HIPK2: variants seen among roughly 807,000 people sequenced by gnomAD.
HIPK2 encodes the protein homeodomain-interacting protein kinase 2.
A neutral mutation model predicts 113.7 loss-of-function variants in HIPK2; 27 were observed. The observed-to-expected ratio is 0.24, with a 90% confidence interval of 0.17 to 0.33. The LOEUF is 0.33. HIPK2 is among the 10% of genes least tolerant of loss of function. The pLI is 1.00. For synonymous variants in HIPK2, 631 were observed against 642.2 expected (o/e 0.98, Z 0.26); for missense variants, 1,257 against 1,588.0 (o/e 0.79, Z 3.54).
At position 139,572,897 on chromosome 7, in the gene HIPK2, C is replaced by CGA; in HGVS notation, c.*29_*30insTC. 1.8e-6 allele frequency: 1 copy of CGA among 571,116 alleles called. No homozygotes were observed. Among genetic ancestry groups the CGA allele is most frequent in the Non-Finnish European group, 3.2e-6 (1 of 308,982 alleles). The allele number at this position is 571,116 out of a possible 1,614,324, so 35.4% of individuals were successfully genotyped here. A position where few individuals can be genotyped will look rare whatever the true frequency, so the allele number is the denominator to read the frequency against. ...CCTCCTCCCTCGGGCCATTCTCTCC[C>CGA]TCCCTCCCTCCCTCCCTCCCCTCCA... On this transcript the variant is annotated 3_prime_UTR_variant, in exon 15 of 15. Transcript: ENST00000406875.
intron 6 of HIPK2, among the ~76,000 whole-genome samples, chr7:139,621,352 C>T (rs1011458321): frequency 6.6e-6 from 1 of 152,168 alleles, no homozygotes; most frequent in African/African-American, 2.4e-5. Context: ...CAACTTCAGC[C>T]TTCATTTTCT....
At chr7:139,644,666 T>C (rs893129120) in intron 2 of HIPK2, among the ~76,000 whole-genome samples, 1 of 152,252 alleles carries the variant, frequency 6.6e-6, no homozygotes, top group African/African-American at 2.4e-5. Flanking sequence ...TAGAGCTGTG[T>C]TGGGAAGCCT....
intron 2 of HIPK2, among the ~76,000 whole-genome samples, chr7:139,637,654 T>C (rs1324842915): frequency 2.6e-5 from 4 of 152,232 alleles, no homozygotes; most frequent in African/African-American, 4.8e-5. Context: ...CTGTCTTCCC[T>C]GACCAAGTCT....
rs963887108 is a variant in HIPK2 at position 139,596,959 on chromosome 7, G to C, written c.2475C>G (p.Ile825Met). ...STCEVSSSQA[I>M]SSPQRSKRVK... ...CACGCTTGGATCGCTGTGGGGAGCT[G>C]ATGGCCTGAGAGGAGGACACCTCAC... Residue 825 changes from isoleucine to methionine, a missense_variant, in exon 12 of 15, where the codon ATC (isoleucine) becomes ATG (methionine). Coordinates refer to ENST00000406875, the MANE Select transcript of HIPK2 (RefSeq NM_022740.5). 8 of 1,606,032 alleles carry C rather than the reference G, an allele frequency of 5.0e-6. No homozygotes were observed. In the Admixed American group the frequency reaches 1.2e-4, roughly 23 times the overall value.
In HIPK2 at chr7:139,563,583, A is replaced by G. The variant is rs1798009067; in HGVS notation, c.*9344T>C. The G allele has an allele frequency of 2.7e-6, 1 of 373,126 alleles. No homozygotes were observed. The allele number at this position is 373,126 out of a possible 1,614,324, so 23.1% of individuals were successfully genotyped here. ...GCAATTTCTATGTTTTAAAAATATA[A>G]GCCCCAAAAACAATGACACAAAATT... On this transcript the variant is annotated 3_prime_UTR_variant, in exon 15 of 15. Transcript: ENST00000406875.
chr7:139,609,144 T>C (rs1421199502), intron 9 of HIPK2, among the ~76,000 whole-genome samples: 1 of 152,192 alleles, frequency 6.6e-6, no homozygotes, highest in Admixed American at 6.5e-5. Flanking sequence ...CTCTCCACTA[T>C]TACCTACTCA....
intron 9 of HIPK2, among the ~76,000 whole-genome samples, chr7:139,607,776 T>C (rs1011575060): frequency 4.0e-5 from 6 of 151,758 alleles, no homozygotes; most frequent in Admixed American, 6.6e-5. Flanking sequence ...AGGAGAGAAA[T>C]TGTGTGTGTT....
chr7:139,636,438 T>C (rs1410064788), intron 2 of HIPK2, among the ~76,000 whole-genome samples: 5 of 152,034 alleles, frequency 3.3e-5, no homozygotes, highest in Non-Finnish European at 7.4e-5. Context: ...TGACTTTATT[T>C]AGGAATGGAG....
chr7:139,753,185 G>A (rs994818941), intron 1 of HIPK2, among the ~76,000 whole-genome samples: 1 of 152,232 alleles, frequency 6.6e-6, no homozygotes, highest in African/African-American at 2.4e-5. Flanking sequence ...TTCTGAGAGG[G>A]AGGTGATGGA....
chr7:139,757,152 C>T (rs1796376184), intron 1 of HIPK2, among the ~76,000 whole-genome samples: 1 of 152,204 alleles, frequency 6.6e-6, no homozygotes, highest in Non-Finnish European at 1.5e-5. Flanking sequence ...GTACCAGCAA[C>T]TCTCAATCAT....
At chr7:139,640,783 G>A (rs1321912534) in intron 2 of HIPK2, among the ~76,000 whole-genome samples, 1 of 151,928 alleles carries the variant, frequency 6.6e-6, no homozygotes, top group Non-Finnish European at 1.5e-5. Flanking sequence ...CTGAGTAGCT[G>A]GGACCACAGG....
At chr7:139,712,240 C>T (rs73469968) in intron 2 of HIPK2, among the ~76,000 whole-genome samples, 1,671 of 152,356 alleles carry the variant, frequency 0.011, 23 homozygotes, top group African/African-American at 0.039. Flanking sequence ...TACCAACAGC[C>T]ACTGTGGCCA....
At chr7:139,633,939 C>A (rs535759766) in intron 2 of HIPK2, among the ~76,000 whole-genome samples, 1 of 143,078 alleles carries the variant, frequency 7.0e-6, no homozygotes, top group South Asian at 2.2e-4. Flanking sequence ...AGTAAGAGTC[C>A]GTCGCAAAAA....
At chr7:139,629,558 A>G (rs953843050) in intron 4 of HIPK2, among the ~76,000 whole-genome samples, 1 of 152,240 alleles carries the variant, frequency 6.6e-6, no homozygotes, top group African/African-American at 2.4e-5. Context: ...AGAAAGCTCC[A>G]GGCACTTGCC....
chr7:139,770,993 G>GA lies in HIPK2; in HGVS notation c.19+6611dup, dbSNP rs533153524. On this transcript the variant is annotated intron_variant, in intron 1 of 14. Coordinates refer to ENST00000406875, the MANE Select transcript of HIPK2 (RefSeq NM_022740.5). The stretch of plus-strand genomic sequence containing the variant: ...TTTCTAAGGGCAAAGATATCTGTCA[G>GA]AAAAAACACAACCTGCAGTGATGTC... Among the ~76,000 whole-genome samples, 57 of 152,238 alleles carry GA rather than the reference G, an allele frequency of 3.7e-4. No homozygotes were observed. The South Asian group carries it at 0.012, about 31-fold the overall frequency.
At chr7:139,665,364 A>T (rs1802014034) in intron 2 of HIPK2, among the ~76,000 whole-genome samples, 1 of 152,186 alleles carries the variant, frequency 6.6e-6, no homozygotes, top group Non-Finnish European at 1.5e-5. Flanking sequence ...AAAGCTATTC[A>T]TCTACATTAG....
In HIPK2 at chr7:139,631,563, G is replaced by C; in HGVS notation, c.1227+39C>G. ...TAATCCAGGCTATTTTCCAGATGAA[G>C]AATGAGGTCTTGTGAATATCTGTGT... On this transcript the variant is annotated intron_variant, in intron 3 of 14. Coordinates refer to ENST00000406875, the MANE Select transcript of HIPK2 (RefSeq NM_022740.5). The surrounding 1 kb of genome is among the most constrained non-coding windows in gnomAD (Gnocchi z 4.9). The C allele has an allele frequency of 6.3e-7, 1 of 1,599,992 alleles. No individual in the cohort carries two copies. The highest frequency in any genetic ancestry group is 8.5e-7 in the Non-Finnish European group (1 of 1,172,256).
chr7:139,571,578 G>A lies in HIPK2; in HGVS notation c.*1349C>T, dbSNP rs944091814. The A allele has an allele frequency of 6.6e-6, 1 of 152,076 alleles. No individual in the cohort carries two copies. Among genetic ancestry groups the A allele is most frequent in the Non-Finnish European group, 1.5e-5 (1 of 68,038 alleles). The allele number at this position is 152,076 out of a possible 1,614,324, so 9.4% of individuals were successfully genotyped here. A position where few individuals can be genotyped will look rare whatever the true frequency, so the allele number is the denominator to read the frequency against. ...TTCGAGATCCACGGACTCTCTCCTA[G>A]CTCCTGCTGGCTTCCCTGGCATCCT... On this transcript the variant is annotated 3_prime_UTR_variant, in exon 15 of 15. Coordinates refer to ENST00000406875, the MANE Select transcript of HIPK2 (RefSeq NM_022740.5).
At chr7:139,595,199 G>A (rs963137149) in intron 12 of HIPK2, among the ~76,000 whole-genome samples, 4 of 152,182 alleles carry the variant, frequency 2.6e-5, no homozygotes, top group South Asian at 4.1e-4. Flanking sequence ...GCAAAGGGCC[G>A]GGCAAGGCTG....
Sources: gnomAD v4.1 joint callset for allele counts (sites outside exome capture counted in the v4.1 genomes callset) on GRCh38, gnomAD v4.1.1 for gene constraint, Gnocchi (gnomAD v3.1) non-coding constraint, MANE v1.5 for transcripts, NCBI Gene and HGNC (gene_info 2026-07-23, HGNC 2026-07-21) for gene names.